The following ZNF816 variants were observed in gnomAD, a reference collection of about 807,000 sequenced individuals.
The protein encoded by ZNF816 is zinc finger protein 816.
Under a neutral mutation model 8.3 loss-of-function variants are expected in ZNF816, and 11 were observed. The ratio of observed to expected loss-of-function variants is 1.32; its 90% CI spans 0.83 to 2.19. The LOEUF (loss-of-function observed/expected upper bound fraction) is 2.19. Ranked by LOEUF, ZNF816 falls within the 30% of genes most tolerant of loss-of-function variation. ZNF816 has a pLI of 0.00. For synonymous variants in ZNF816, 255 were observed against 254.5 expected (o/e 1.00, Z -0.02); for missense variants, 710 against 779.3 (o/e 0.91, Z 1.06).
intron 1 of ZNF816, chr19:52,960,271 C>T (rs1229209922): frequency 7.5e-6 from 2 of 268,068 alleles, no homozygotes; most frequent in East Asian, 1.4e-4. Context: ...AGGTGGACTT[C>T]ACAGAAATGC....
At chr19:52,955,204 C>CA (rs1001215101) in intron 2 of ZNF816, among the ~76,000 whole-genome samples, 27 of 150,632 alleles carry the variant, frequency 1.8e-4, no homozygotes, top group Middle Eastern at 3.4e-3. Flanking sequence ...AAACAAAAAA[C>CA]AAAAAAAAAG....
chr19:52,950,577 C>T lies in ZNF816; in HGVS notation c.1198G>A (p.Glu400Lys), dbSNP rs1231970164. 1.2e-6 allele frequency: 2 copies of T among 1,611,924 alleles called. No homozygotes were observed. The highest frequency in any genetic ancestry group is 1.7e-6 in the Non-Finnish European group (2 of 1,179,420). ...CGAATGTAAACATTGTCACATTCTTCACATTTGTAAGGTTTCTCTCCAGTG... is the reference window on the plus strand; with the variant it reads ...CGAATGTAAACATTGTCACATTCTTTACATTTGTAAGGTTTCTCTCCAGTG... Reference protein sequence around the residue: ...LHTGEKPYKCEECDNVYIRRS... With the variant: ...LHTGEKPYKCKECDNVYIRRS... Residue 400 changes from glutamate to lysine, a missense_variant, in exon 4 of 4, where the codon GAA (glutamate) becomes AAA (lysine). Glu to Lys is a moderately conservative substitution (Grantham distance 56, BLOSUM62 1). Transcript: ENST00000444460.
chr19:52,961,862 T>C (rs543558583), intron 1 of ZNF816, among the ~76,000 whole-genome samples: 7 of 151,960 alleles, frequency 4.6e-5, no homozygotes, highest in African/African-American at 1.4e-4. Context: ...AGCCCGAGAG[T>C]TGGTGCCCAC....
chr19:52,949,467 G>T lies in ZNF816; in HGVS notation c.*352C>A. On this transcript the variant is annotated 3_prime_UTR_variant, in exon 4 of 4. Transcript: ENST00000444460. ...TGATGTTCTGCATGGAATGACCACA[G>T]AGTGAAGACCTTGCCACCCTTACAT... is the stretch of plus-strand genomic sequence containing the variant. 1 of 433,918 alleles carries T rather than the reference G, an allele frequency of 2.3e-6. No homozygotes were observed. 26.9% of individuals were successfully genotyped at this position (433,918 alleles called of 1,614,324 possible).
chr19:52,956,014 G>T lies in ZNF816; in HGVS notation c.63+13C>A. On this transcript the variant is annotated intron_variant, in intron 2 of 3. Transcript: ENST00000444460. ...GAAAGAGACAGAAGAATCCACCAAGGAATATCACTTACCTGAGGAAGAGCC... is the reference window on the plus strand; with the variant it reads ...GAAAGAGACAGAAGAATCCACCAAGTAATATCACTTACCTGAGGAAGAGCC... The T allele has an allele frequency of 6.2e-7, 1 of 1,601,498 alleles. No individual in the cohort carries two copies. Among genetic ancestry groups the T allele is most frequent in the Non-Finnish European group, 8.5e-7 (1 of 1,176,574 alleles).
chr19:52,950,419 T>G lies in ZNF816; in HGVS notation c.1356A>C (p.Pro452=). The part of the protein sequence containing the change: ...EHQRVHTGEK[P]YKCNKCGRSF... ...TCCTGCCACATTTATTACACTTGTA[T>G]GGTTTCTCTCCAGTATGAACTCTCT... The change falls in exon 4 of 4, where the codon CCA becomes CCC. Residue 452 remains proline (P), a synonymous_variant. Coordinates refer to ENST00000444460, the MANE Select transcript of ZNF816 (RefSeq NM_001202457.3). 1 of 1,605,888 alleles carries G rather than the reference T, an allele frequency of 6.2e-7. No individual in the cohort carries two copies. The highest frequency in any genetic ancestry group is 8.5e-7 in the Non-Finnish European group (1 of 1,177,170).
Position 52,949,869 on chromosome 19 carries a change from G to A in ZNF816, c.1906C>T (p.Leu636Phe). The A allele has an allele frequency of 6.2e-7, 1 of 1,613,754 alleles. No homozygotes were observed. Among genetic ancestry groups the A allele is most frequent in the Non-Finnish European group, 8.5e-7 (1 of 1,179,748 alleles). The change falls in exon 4 of 4, where the codon CTT becomes TTT. Residue 636 changes from leucine to phenylalanine, a missense_variant. Leu to Phe is a conservative substitution (Grantham distance 22). Coordinates refer to ENST00000444460, the MANE Select transcript of ZNF816 (RefSeq NM_001202457.3). ...CGKAFTGQST[L>F]IHHQAIHGCR... ...CCATGGATTGCTTGATGGTGAATAAGTGTTGACTGTCCAGTAAAGGCTTTG... is the reference window on the plus strand; with the variant it reads ...CCATGGATTGCTTGATGGTGAATAAATGTTGACTGTCCAGTAAAGGCTTTG...
chr19:52,949,575 A>G lies in ZNF816; in HGVS notation c.*244T>C. ...GTAAAGGCTTTGCCACAATCATCAC[A>G]CTTGTGAGGTTTCTCTCCTGTATGA... is the stretch of plus-strand genomic sequence containing the variant. On this transcript the variant is annotated 3_prime_UTR_variant, in exon 4 of 4. Transcript: ENST00000444460. The G allele has an allele frequency of 4.1e-6, 3 of 731,700 alleles. No homozygotes were observed. In the South Asian group the frequency reaches 4.3e-5, roughly 10 times the overall value. The allele number at this position is 731,700 out of a possible 1,614,324, so 45.3% of individuals were successfully genotyped here. A position where few individuals can be genotyped will look rare whatever the true frequency, so the allele number is the denominator to read the frequency against.
chr19:52,956,415 T>C (rs2083510894), intron 1 of ZNF816: 1 of 245,282 alleles, frequency 4.1e-6, no homozygotes, highest in Admixed American at 5.3e-5. Flanking sequence ...TCCCTGTGGA[T>C]CACAGACTGA....
chr19:52,958,724 G>A (rs898025276), intron 1 of ZNF816, among the ~76,000 whole-genome samples: 1 of 152,166 alleles, frequency 6.6e-6, no homozygotes, highest in East Asian at 1.9e-4. Flanking sequence ...GCGCAGCCTG[G>A]GATCAGAAGG....
intron 2 of ZNF816, among the ~76,000 whole-genome samples, chr19:52,954,415 G>A (rs575596579): frequency 6.6e-6 from 1 of 152,134 alleles, no homozygotes; most frequent in African/African-American, 2.4e-5. Flanking sequence ...AACTGTCAAG[G>A]ACTCATGAGT....
Position 52,959,861 on chromosome 19 carries a change from C to G in ZNF816, c.-16+2866G>C, listed in dbSNP as rs138652725. On this transcript the variant is annotated intron_variant, in intron 1 of 3. Coordinates refer to ENST00000444460, the MANE Select transcript of ZNF816 (RefSeq NM_001202457.3). ...GAACTCCAGAGCTGACTCAGAAGCT[C>G]GAAAAGCAACATCCACACCCTACTG... 1.7e-3 allele frequency among the ~76,000 whole-genome samples: 255 copies of G among 152,130 alleles called. 3 individuals are homozygous for G. The highest frequency in any genetic ancestry group is 0.014 in the East Asian group (74 of 5,178).
chr19:52,951,021 A>G lies in ZNF816; in HGVS notation c.754T>C (p.Ser252Pro), dbSNP rs2083454096. ...TCACATTTATATTCTCTCTCTCTTG[A>G]ATGGGTTATGTGGTGTCTCCTTAAG... ...SLLRRHHITH[S>P]REREYKCDVC... Residue 252 changes from serine to proline, a missense_variant, in exon 4 of 4, where the codon TCA becomes CCA. Physicochemically the swap from Ser to Pro is moderately conservative, Grantham distance 74 (BLOSUM62 -1). Coordinates refer to ENST00000444460, the MANE Select transcript of ZNF816 (RefSeq NM_001202457.3). 1.2e-6 allele frequency: 2 copies of G among 1,613,830 alleles called. No individual in the cohort carries two copies. The highest frequency in any genetic ancestry group is 1.7e-6 in the Non-Finnish European group (2 of 1,179,992).
intron 2 of ZNF816, among the ~76,000 whole-genome samples, chr19:52,953,737 T>A (rs937519102): frequency 2.4e-4 from 34 of 139,140 alleles, no homozygotes; most frequent in South Asian, 4.3e-4. Flanking sequence ...AATATATATT[T>A]TATATATATA....
At chr19:52,951,653 G>A (rs909720799) in intron 3 of ZNF816, 69 bp from the exon 4 acceptor site, 7 of 1,380,834 alleles carry the variant, frequency 5.1e-6, no homozygotes, top group African/African-American at 1.5e-5. Context: ...ATATTCAGAT[G>A]TGTAAAAATT....
In ZNF816 at chr19:52,956,193, C is replaced by T. The variant is rs183655871; in HGVS notation, c.-15-89G>A. The stretch of plus-strand genomic sequence containing the variant: ...ACACACACACAGGGGAAACCTCACC[C>T]GAGAGAAAGATGGTCCTTTGCTACC... On this transcript the variant is annotated intron_variant, in intron 1 of 3. Transcript: ENST00000444460. The T allele has an allele frequency of 1.2e-3, 1,729 of 1,431,790 alleles. 5 individuals carry two copies. The highest frequency in any genetic ancestry group is 9.9e-3 in the Middle Eastern group (53 of 5,328). The allele number at this position is 1,431,790 out of a possible 1,614,324, so 88.7% of individuals were successfully genotyped here. A position where few individuals can be genotyped will look rare whatever the true frequency, so the allele number is the denominator to read the frequency against.
Position 52,951,107 on chromosome 19 carries a change from C to A in ZNF816, c.668G>T (p.Cys223Phe), listed in dbSNP as rs372023851. ...HSSFTQIQEICMREKPCQSNE... is the reference protein window; with the variant it reads ...HSSFTQIQEIFMREKPCQSNE... Reference sequence around the variant, plus strand: ...ACTTTGGCAAGGTTTTTCTCTCATGCATATTTCCTGTATTTGTGTGAATGA... The same window carrying A: ...ACTTTGGCAAGGTTTTTCTCTCATGAATATTTCCTGTATTTGTGTGAATGA... The change falls in exon 4 of 4, where the codon TGC becomes TTC. Residue 223 changes from cysteine to phenylalanine, a missense_variant. Transcript: ENST00000444460. 1.4e-5 allele frequency: 23 copies of A among 1,613,854 alleles called. No individual in the cohort carries two copies. In the African/African-American group the frequency reaches 2.4e-4, roughly 17 times the overall value.
In ZNF816 at chr19:52,956,113, T is replaced by C; in HGVS notation, c.-15-9A>G. The C allele has an allele frequency of 1.9e-6, 3 of 1,599,038 alleles. No individual in the cohort carries two copies. The Admixed American group carries it at 5.5e-5, about 30-fold the overall frequency. On this transcript the variant is annotated splice_polypyrimidine_tract_variant and intron_variant, in intron 1 of 3. Coordinates refer to ENST00000444460, the MANE Select transcript of ZNF816 (RefSeq NM_001202457.3). ...ATGAGTCTTTGGAAATCCTGTATGT[T>C]AAAAAAGCAAGAGATTTAATATTTA...
Position 52,951,602 on chromosome 19 carries a change from C to T in ZNF816, c.191-18G>A, listed in dbSNP as rs1568437188. ...AGAGCTATCTAAAAAATATAAAGAC[C>T]AATAGGTTTCCAATTAAGTACAGAT... is the stretch of plus-strand genomic sequence containing the variant. On this transcript the variant is annotated intron_variant, in intron 3 of 3. Coordinates refer to ENST00000444460, the MANE Select transcript of ZNF816 (RefSeq NM_001202457.3). 2 of 1,518,126 alleles carry T rather than the reference C, an allele frequency of 1.3e-6. No homozygotes were observed. The highest frequency in any genetic ancestry group is 1.4e-5 in the South Asian group (1 of 73,802). 94.0% of individuals were successfully genotyped at this position (1,518,126 alleles called of 1,614,324 possible).
Sources: gnomAD v4.1 joint callset for allele counts (sites outside exome capture counted in the v4.1 genomes callset) on GRCh38, gnomAD v4.1.1 for gene constraint, MANE v1.5 for transcripts, NCBI Gene and HGNC (gene_info 2026-07-23, HGNC 2026-07-21) for gene names.